The following ZNF676 variants were observed in gnomAD, a reference collection of about 807,000 sequenced individuals.
ZNF676 encodes zinc finger protein 676.
A neutral mutation model predicts 6.0 loss-of-function variants in ZNF676; 4 were observed. That is an observed-to-expected ratio of 0.67 (90% CI 0.33 to 1.53). The LOEUF (loss-of-function observed/expected upper bound fraction) is 1.53. Among genes scored for constraint, ZNF676 ranks in the 40% most tolerant of loss-of-function variants. The pLI, the probability that ZNF676 is intolerant of heterozygous loss-of-function variation, is 0.06. For missense variants in ZNF676, 644 were observed against 679.7 expected (o/e 0.95, Z 0.58); for synonymous variants, 198 against 223.1 (o/e 0.89, Z 1.00).
the ZNF676 span, among the ~76,000 whole-genome samples, chr19:22,223,420 A>G: frequency 6.6e-6 from 1 of 152,068 alleles, no homozygotes; most frequent in African/African-American, 2.4e-5. Context: ...ATCATTACAG[A>G]TATGAGCCAG....
upstream of ZNF676, among the ~76,000 whole-genome samples, chr19:22,215,971 C>T (rs2024184082): frequency 6.6e-6 from 1 of 152,226 alleles, no homozygotes; most frequent in Non-Finnish European, 1.5e-5. Context: ...AGGGCTTCCT[C>T]CCTGAGCTGA....
chr19:22,227,572 G>A, the ZNF676 span, among the ~76,000 whole-genome samples: 1 of 152,004 alleles, frequency 6.6e-6, no homozygotes, highest in Non-Finnish European at 1.5e-5. Context: ...GATTCCAGGA[G>A]CTGGTTTTTT....
upstream of ZNF676, among the ~76,000 whole-genome samples, chr19:22,219,177 C>A (rs922575261): frequency 1.3e-5 from 2 of 151,816 alleles, no homozygotes; most frequent in African/African-American, 4.8e-5. Context: ...TGGCTCACTG[C>A]ACCCTCTGCA....
chr19:22,209,839 A>T (rs182113374), intron 1 of ZNF676, among the ~76,000 whole-genome samples: 14 of 152,270 alleles, frequency 9.2e-5, no homozygotes, highest in Admixed American at 3.9e-4. Flanking sequence ...CGTGTCTGAA[A>T]ATAGGGATAT....
At chr19:22,255,934 C>T in the ZNF676 span, among the ~76,000 whole-genome samples, 1 of 152,056 alleles carries the variant, frequency 6.6e-6, no homozygotes, top group African/African-American at 2.4e-5. Context: ...ACAATTCCAA[C>T]TGTGGACTGC....
At chr19:22,245,695 A>G in the ZNF676 span, among the ~76,000 whole-genome samples, 6 of 152,178 alleles carry the variant, frequency 3.9e-5, no homozygotes, top group Non-Finnish European at 5.9e-5. Context: ...GGAAATAAAA[A>G]GAGTCACATA....
At chr19:22,225,369 T>A in the ZNF676 span, among the ~76,000 whole-genome samples, 2 of 152,226 alleles carry the variant, frequency 1.3e-5, no homozygotes, top group Non-Finnish European at 2.9e-5. Context: ...GACATATAGA[T>A]TACTTCAGCC....
intron 1 of ZNF676, among the ~76,000 whole-genome samples, chr19:22,193,368 G>T (rs951794247): frequency 6.6e-6 from 1 of 152,100 alleles, no homozygotes; most frequent in Non-Finnish European, 1.5e-5. Flanking sequence ...GTTTCTGCAG[G>T]CAGGTACTCT....
At chr19:22,230,008 G>A in the ZNF676 span, among the ~76,000 whole-genome samples, 35 of 152,116 alleles carry the variant, frequency 2.3e-4, no homozygotes, top group African/African-American at 6.0e-4. Flanking sequence ...GTATATACCC[G>A]AAAGATTATA....
At chr19:22,255,630 A>G in the ZNF676 span, among the ~76,000 whole-genome samples, 13 of 152,154 alleles carry the variant, frequency 8.5e-5, no homozygotes, top group South Asian at 2.1e-4. Flanking sequence ...TGAATCACAA[A>G]GTCAGGAGAT....
chr19:22,250,159 G>A, the ZNF676 span, among the ~76,000 whole-genome samples: 946 of 151,192 alleles, frequency 6.3e-3, 11 homozygotes, highest in African/African-American at 0.022. Context: ...TCCACCCTGG[G>A]TGACAAGAGT....
chr19:22,237,904 T>C, the ZNF676 span, among the ~76,000 whole-genome samples: 1 of 152,192 alleles, frequency 6.6e-6, no homozygotes, highest in African/African-American at 2.4e-5. Flanking sequence ...ACATCTTTCA[T>C]TGCAGGTCAG....
the ZNF676 span, among the ~76,000 whole-genome samples, chr19:22,224,972 G>A: frequency 6.6e-6 from 1 of 152,076 alleles, no homozygotes; most frequent in South Asian, 2.1e-4. Context: ...ACCAGTTTGG[G>A]TGACAAAGTG....
chr19:22,209,231 C>A (rs2024106795), intron 1 of ZNF676, among the ~76,000 whole-genome samples: 1 of 151,868 alleles, frequency 6.6e-6, no homozygotes, highest in Admixed American at 6.6e-5. Context: ...CACTGCACTC[C>A]AGCCTGTGTG....
chr19:22,182,864 T>C (rs1410241873), intron 2 of ZNF676, among the ~76,000 whole-genome samples: 1 of 152,086 alleles, frequency 6.6e-6, no homozygotes, highest in East Asian at 1.9e-4. Flanking sequence ...ATTGAATTTC[T>C]AGCATTATTC....
chr19:22,202,066 A>G (rs2024031531), intron 1 of ZNF676, among the ~76,000 whole-genome samples: 1 of 151,996 alleles, frequency 6.6e-6, no homozygotes, highest in East Asian at 1.9e-4. Context: ...AATTCTCAAG[A>G]CCTAGATTTA....
chr19:22,227,448 G>A, the ZNF676 span, among the ~76,000 whole-genome samples: 1 of 152,214 alleles, frequency 6.6e-6, no homozygotes, highest in East Asian at 1.9e-4. Flanking sequence ...ACAATTAACA[G>A]AACTAGAGAA....
chr19:22,255,628 A>G, the ZNF676 span, among the ~76,000 whole-genome samples: 12 of 152,004 alleles, frequency 7.9e-5, no homozygotes, highest in East Asian at 1.9e-4. Flanking sequence ...GGTGAATCAC[A>G]AAGTCAGGAG....
chr19:22,200,077 A>C (rs947915860), upstream of ZNF676, among the ~76,000 whole-genome samples: 1 of 152,112 alleles, frequency 6.6e-6, no homozygotes, highest in Non-Finnish European at 1.5e-5. Flanking sequence ...GTGTAGAGCC[A>C]ATGTACAATT....
Sources: allele counts gnomAD v4.1 joint callset (sites outside exome capture counted in the v4.1 genomes callset), GRCh38; gene constraint gnomAD v4.1.1; transcripts MANE v1.5; gene names NCBI Gene and HGNC (gene_info 2026-07-23, HGNC 2026-07-21).